The following MAP3K4 variants were observed in gnomAD, a reference collection of about 807,000 sequenced individuals.
MAP3K4 encodes MAP three kinase 1.
MAP3K4 carries 67 observed loss-of-function variants against 185.6 expected under a neutral mutation model. That is an observed-to-expected ratio of 0.36 (90% CI 0.30 to 0.44). The LOEUF (loss-of-function observed/expected upper bound fraction) is 0.44, where lower values mean the gene tolerates loss of function less well. Among genes scored for constraint, MAP3K4 ranks in the 20% least tolerant of loss-of-function variants. The probability of loss-of-function intolerance (pLI) is 1.00; values close to 1 mark genes in which losing one functional copy is unlikely to be tolerated. For missense variants in MAP3K4, 1,551 were observed against 1,995.1 expected (o/e 0.78, Z 4.24); for synonymous variants, 702 against 710.4 (o/e 0.99, Z 0.19).
rs748314326 is a variant in MAP3K4 at position 161,086,053 on chromosome 6, C to T, written c.2373-326C>T. On this transcript the variant is annotated intron_variant, in intron 7 of 26. Coordinates refer to ENST00000392142, the MANE Select transcript of MAP3K4 (RefSeq NM_005922.4). The surrounding 1 kb of genome is among the most constrained non-coding windows in gnomAD (Gnocchi z 4.8). The stretch of plus-strand genomic sequence containing the variant: ...ACTGTATAGATTTCTTTTTAGATTA[C>T]GAGCCAGGAGTTAAGAACTTAACCT... 1.3e-5 allele frequency among the ~76,000 whole-genome samples: 2 copies of T among 152,120 alleles called. No individual in the cohort carries two copies. Among genetic ancestry groups the T allele is most frequent in the African/African-American group, 4.8e-5 (2 of 41,424 alleles).
In MAP3K4 at chr6:161,086,675, C is replaced by G; in HGVS notation, c.2556+8C>G. 6.2e-7 allele frequency: 1 copy of G among 1,600,150 alleles called. No individual in the cohort carries two copies. The highest frequency in any genetic ancestry group is 8.5e-7 in the Non-Finnish European group (1 of 1,174,884). On this transcript the variant is annotated splice_region_variant and intron_variant, in intron 9 of 26. Transcript: ENST00000392142. The surrounding 1 kb of genome is among the most constrained non-coding windows in gnomAD (Gnocchi z 4.8). ...TCAAAACAGTATGTCAAGGTAAGTA[C>G]TTCAAATGTTGTGATTGAAACATTT...
chr6:161,019,933 T>C (rs1047171198), intron 1 of MAP3K4, among the ~76,000 whole-genome samples: 1 of 152,210 alleles, frequency 6.6e-6, no homozygotes, highest in Non-Finnish European at 1.5e-5. Flanking sequence ...CAGCAGTGTG[T>C]CATAAAAGGT....
rs932682790 is a variant in MAP3K4, at chr6:161,109,156, G to GT, written c.4236+304dup. ...CACCACTTCTTGTGACTTTTTTTCC[G>GT]TTTTTTTGCTGAACCACTGTTGAGT... On this transcript the variant is annotated intron_variant, in intron 22 of 26. Coordinates refer to ENST00000392142, the MANE Select transcript of MAP3K4 (RefSeq NM_005922.4). This position sits in a 1 kb window ranked among gnomAD's most constrained non-coding sequence, Gnocchi z 5.7. The GT allele has an allele frequency of 1.5e-4, 98 of 634,184 alleles. No individual in the cohort carries two copies. Among genetic ancestry groups the GT allele is most frequent in the Middle Eastern group, 1.4e-3 (3 of 2,188 alleles). 39.3% of individuals were successfully genotyped at this position (634,184 alleles called of 1,614,324 possible).
intron 1 of MAP3K4, among the ~76,000 whole-genome samples, chr6:160,998,569 A>T (rs1278131540): frequency 6.6e-6 from 1 of 152,214 alleles, no homozygotes; most frequent in African/African-American, 2.4e-5. Context: ...GAGCTGGCTT[A>T]TCTGAGCTGG....
Position 161,106,585 on chromosome 6 carries a change from C to G in MAP3K4, c.3928C>G (p.Arg1310Gly). Residue 1310 changes from arginine (R) to glycine (G), a missense_variant, in exon 20 of 27, where the codon CGA (arginine) becomes GGA (glycine). Arg to Gly is a moderately radical substitution (Grantham distance 125). Around this residue, in one of 16 missense-constraint regions of MAP3K4, gnomAD observed 272 missense variants for 301.2 expected, o/e 0.90. Coordinates refer to ENST00000392142, the MANE Select transcript of MAP3K4 (RefSeq NM_005922.4). The surrounding 1 kb of genome is among the most constrained non-coding windows in gnomAD (Gnocchi z 4.9). ...SVRLFEEKRY[R>G]EMRRKNIIGQ... The stretch of plus-strand genomic sequence containing the variant: ...CCGATTGTTTGAAGAAAAGAGGTAC[C>G]GAGAAATGAGGAGAAAGAATATCAT... 6.2e-7 allele frequency: 1 copy of G among 1,613,538 alleles called. No individual in the cohort carries two copies. The highest frequency in any genetic ancestry group is 8.5e-7 in the Non-Finnish European group (1 of 1,179,756).
chr6:161,045,148 G>A (rs2314379), intron 2 of MAP3K4, among the ~76,000 whole-genome samples: 53,696 of 151,736 alleles, frequency 0.35, 11,056 homozygotes, highest in Admixed American at 0.52. Flanking sequence ...TTCGAATTGC[G>A]TCATTATTTA....
In MAP3K4 at chr6:161,073,448, G is replaced by C. The variant is rs1253541866; in HGVS notation, c.1951-18G>C. 1 of 1,567,160 alleles carries C rather than the reference G, an allele frequency of 6.4e-7. No homozygotes were observed. The highest frequency in any genetic ancestry group is 8.7e-7 in the Non-Finnish European group (1 of 1,155,770). On this transcript the variant is annotated intron_variant, in intron 4 of 26. Coordinates refer to ENST00000392142, the MANE Select transcript of MAP3K4 (RefSeq NM_005922.4). The surrounding 1 kb of genome is among the most constrained non-coding windows in gnomAD (Gnocchi z 4.2). ...TTGGAGTTTATGGCTGCTGGAACCTGTGTGTGTTGTTTTGCAGCTGGTGAG... is the reference window on the plus strand; with the variant it reads ...TTGGAGTTTATGGCTGCTGGAACCTCTGTGTGTTGTTTTGCAGCTGGTGAG...
Position 161,116,920 on chromosome 6 carries a change from T to C in MAP3K4, c.*50T>C. Reference sequence around the variant, plus strand: ...AAATTCTCTTAATCACTACTGTATGTAATATTTACATAAAGACTGTGCTGA... The same window carrying C: ...AAATTCTCTTAATCACTACTGTATGCAATATTTACATAAAGACTGTGCTGA... On this transcript the variant is annotated 3_prime_UTR_variant, in exon 27 of 27. Coordinates refer to ENST00000392142, the MANE Select transcript of MAP3K4 (RefSeq NM_005922.4). This position sits in a 1 kb window ranked among gnomAD's most constrained non-coding sequence, Gnocchi z 6.2. 1 of 1,536,138 alleles carries C rather than the reference T, an allele frequency of 6.5e-7. No homozygotes were observed. The highest frequency in any genetic ancestry group is 1.7e-5 in the Admixed American group (1 of 59,900).
chr6:161,026,732 CCTT>C (rs1447602570), intron 1 of MAP3K4, among the ~76,000 whole-genome samples: 6 of 137,170 alleles, frequency 4.4e-5, no homozygotes. Flanking sequence ...GGTTCTCTCT[CCTT>C]TTTTTTTTTT....
rs762285498 is a variant in MAP3K4 at position 161,089,273 on chromosome 6, A to G, written c.2824-49A>G. 2.0e-5 allele frequency: 32 copies of G among 1,584,930 alleles called. No individual in the cohort carries two copies. The Admixed American group carries it at 2.2e-4, about 11-fold the overall frequency. Reference sequence around the variant, plus strand: ...GGACTGGTGTTGAACTAGAATAACAACTAGTAACTGGGTTGGTTTTTATGT... The same window carrying G: ...GGACTGGTGTTGAACTAGAATAACAGCTAGTAACTGGGTTGGTTTTTATGT... On this transcript the variant is annotated intron_variant, in intron 10 of 26. Coordinates refer to ENST00000392142, the MANE Select transcript of MAP3K4 (RefSeq NM_005922.4).
At chr6:161,026,672 G>A (rs1279048962) in intron 1 of MAP3K4, among the ~76,000 whole-genome samples, 1 of 142,686 alleles carries the variant, frequency 7.0e-6, no homozygotes, top group Non-Finnish European at 1.5e-5. Flanking sequence ...AAATAATTAT[G>A]TTTGTCTTTT....
Position 161,096,221 on chromosome 6 carries a change from T to C in MAP3K4, c.3428-859T>C, listed in dbSNP as rs1327509917. ...CTTCTGTCTCTCTTGTTTCCCCTTA[T>C]TAATAGGAAACAAAATCATGAAGAA... On this transcript the variant is annotated intron_variant, in intron 15 of 26. Coordinates refer to ENST00000392142, the MANE Select transcript of MAP3K4 (RefSeq NM_005922.4). This position sits in a 1 kb window ranked among gnomAD's most constrained non-coding sequence, Gnocchi z 4.9. Among the ~76,000 whole-genome samples the C allele has an allele frequency of 6.6e-6, 1 of 152,078 alleles. No homozygotes were observed. The highest frequency in any genetic ancestry group is 1.5e-5 in the Non-Finnish European group (1 of 68,014).
chr6:161,107,976 C>T lies in MAP3K4; in HGVS notation c.4119+7C>T. ...GCTGATGGCCATGAAAGAGGTGAGT[C>T]ACCTGGCTCCGTGGGGCCTTTGGGC... On this transcript the variant is annotated splice_region_variant and intron_variant, in intron 21 of 26. Coordinates refer to ENST00000392142, the MANE Select transcript of MAP3K4 (RefSeq NM_005922.4). The surrounding 1 kb of genome is among the most constrained non-coding windows in gnomAD (Gnocchi z 6.2). The T allele has an allele frequency of 6.2e-7, 1 of 1,613,520 alleles. No individual in the cohort carries two copies. Among genetic ancestry groups the T allele is most frequent in the South Asian group, 1.1e-5 (1 of 91,034 alleles).
chr6:161,107,984 T>G lies in MAP3K4; in HGVS notation c.4119+15T>G. 1 of 1,613,014 alleles carries G rather than the reference T, an allele frequency of 6.2e-7. No individual in the cohort carries two copies. Among genetic ancestry groups the G allele is most frequent in the Non-Finnish European group, 8.5e-7 (1 of 1,179,586 alleles). The stretch of plus-strand genomic sequence containing the variant: ...CCATGAAAGAGGTGAGTCACCTGGC[T>G]CCGTGGGGCCTTTGGGCCTGGCGGC... On this transcript the variant is annotated intron_variant, in intron 21 of 26. Transcript: ENST00000392142. This position sits in a 1 kb window ranked among gnomAD's most constrained non-coding sequence, Gnocchi z 6.2.
Position 161,017,402 on chromosome 6 carries a change from A to G in MAP3K4, c.153-16857A>G, listed in dbSNP as rs1019272949. Among the ~76,000 whole-genome samples, 1 of 152,202 alleles carries G rather than the reference A, an allele frequency of 6.6e-6. No homozygotes were observed. The highest frequency in any genetic ancestry group is 1.5e-5 in the Non-Finnish European group (1 of 68,034). ...TAACTGTTTTTCTGACAAGCACGTA[A>G]GGAACTGCCAAGAGTGTTATTTATT... On this transcript the variant is annotated intron_variant, in intron 1 of 26. Coordinates refer to ENST00000392142, the MANE Select transcript of MAP3K4 (RefSeq NM_005922.4). This position sits in a 1 kb window ranked among gnomAD's most constrained non-coding sequence, Gnocchi z 5.1.
At chr6:160,994,988 T>C (rs1780924683) in intron 1 of MAP3K4, among the ~76,000 whole-genome samples, 1 of 152,228 alleles carries the variant, frequency 6.6e-6, no homozygotes, top group South Asian at 2.1e-4. Flanking sequence ...CGTGAGCCAC[T>C]GCGCCTGGCC....
In MAP3K4 at chr6:161,093,922, A is replaced by G. The variant is rs1676287385; in HGVS notation, c.3427+71A>G. 3 of 1,169,940 alleles carry G rather than the reference A, an allele frequency of 2.6e-6. No homozygotes were observed. In the African/African-American group the frequency reaches 4.6e-5, roughly 18 times the overall value. The allele number at this position is 1,169,940 out of a possible 1,614,324, so 72.5% of individuals were successfully genotyped here. A position where few individuals can be genotyped will look rare whatever the true frequency, so the allele number is the denominator to read the frequency against. On this transcript the variant is annotated intron_variant, in intron 15 of 26. Transcript: ENST00000392142. The surrounding 1 kb of genome is among the most constrained non-coding windows in gnomAD (Gnocchi z 5.2). Reference sequence around the variant, plus strand: ...AGTGGACAGATCCTCTTGTAATTGCAGTCGTTTAAAATGGTATAAGAGGTG... The same window carrying G: ...AGTGGACAGATCCTCTTGTAATTGCGGTCGTTTAAAATGGTATAAGAGGTG...
rs1785202285 is a variant in MAP3K4, at chr6:161,076,868, C to T, written c.2097+3256C>T. ...CCAAGGAACTAGTGCCGAGCGTAAA[C>T]TCCCTCTTAGAGTTTAAGAATAGGG... is the stretch of plus-strand genomic sequence containing the variant. On this transcript the variant is annotated intron_variant, in intron 5 of 26. Transcript: ENST00000392142. The surrounding 1 kb of genome is among the most constrained non-coding windows in gnomAD (Gnocchi z 4.2). Among the ~76,000 whole-genome samples the T allele has an allele frequency of 6.6e-6, 1 of 152,184 alleles. No individual in the cohort carries two copies. Among genetic ancestry groups the T allele is most frequent in the South Asian group, 2.1e-4 (1 of 4,828 alleles).
intron 2 of MAP3K4, among the ~76,000 whole-genome samples, chr6:161,040,227 T>TG (rs1477986675): frequency 6.6e-6 from 1 of 152,166 alleles, no homozygotes; most frequent in Non-Finnish European, 1.5e-5. Context: ...AGAATATAGT[T>TG]GGGGATTGTG....
Sources: gnomAD v4.1 joint callset for allele counts (sites outside exome capture counted in the v4.1 genomes callset) on GRCh38, gnomAD v4.1.1 for gene constraint, gnomAD v4.1.1 regional missense constraint, Gnocchi (gnomAD v3.1) non-coding constraint, MANE v1.5 for transcripts, NCBI Gene and HGNC (gene_info 2026-07-23, HGNC 2026-07-21) for gene names.